Variants in CES3 observed in about 807,000 individuals in gnomAD.
The protein encoded by CES3 is carboxylesterase 3 (brain).
Under a neutral mutation model 57.6 loss-of-function variants are expected in CES3, and 49 were observed. The ratio of observed to expected loss-of-function variants is 0.85; its 90% CI spans 0.68 to 1.08. CES3 has a LOEUF of 1.08. Among genes scored for constraint, CES3 ranks in the 50% least tolerant of loss-of-function variants. CES3 has a pLI of 0.00. For synonymous variants in CES3, 266 were observed against 281.6 expected (o/e 0.94, Z 0.55); for missense variants, 645 against 742.0 (o/e 0.87, Z 1.52).
chr16:66,964,799 C>T (rs972397429), intron 6 of CES3, 72 bp downstream of exon 6: 1 of 1,295,308 alleles, frequency 7.7e-7, no homozygotes. Flanking sequence ...CCTGGGGTCT[C>T]AGAGTAGCGG....
At chr16:66,965,818 T>C (rs1963721714) in intron 6 of CES3, among the ~76,000 whole-genome samples, 8 of 152,140 alleles carry the variant, frequency 5.3e-5, no homozygotes, top group Admixed American at 5.2e-4. Flanking sequence ...CAGGTGCCTG[T>C]AGTCCCAGCT....
rs1435964152 is a variant in CES3, at chr16:66,971,191, T to C, written c.1163T>C (p.Met388Thr). ...CCCCAGGATGTGCCCCCTGAGATGA[T>C]GCCCACCGTCATAGATGAATACCTA... is the stretch of plus-strand genomic sequence containing the variant. The part of the protein sequence containing the change: ...LTSLDVPPEM[M>T]PTVIDEYLGS... The change falls in exon 10 of 13, where the codon ATG becomes ACG. Residue 388 changes from methionine (M) to threonine (T), a missense_variant. By Grantham distance (81) the Met-to-Thr change is moderately conservative (BLOSUM62 -1). Coordinates refer to ENST00000303334, the MANE Select transcript of CES3 (RefSeq NM_024922.6). The C allele has an allele frequency of 5.6e-6, 9 of 1,613,832 alleles. No homozygotes were observed. The Admixed American group carries it at 1.5e-4, about 27-fold the overall frequency.
chr16:66,967,836 T>C, intron 8 of CES3: 1 of 867,226 alleles, frequency 1.2e-6, no homozygotes, highest in Non-Finnish European at 1.4e-6. Context: ...ATCATGACTC[T>C]CTACTGCCTC....
At position 66,966,219 on chromosome 16, in the gene CES3, G is replaced by C. The variant is rs769002369; in HGVS notation, c.820-25G>C. ...GTGGGGCTGAGTGGCTGAGAGGGAG[G>C]CATGACTCTTTCATTTGTCCCCAGA... On this transcript the variant is annotated intron_variant, in intron 6 of 12. Coordinates refer to ENST00000303334, the MANE Select transcript of CES3 (RefSeq NM_024922.6). 21 of 1,606,088 alleles carry C rather than the reference G, an allele frequency of 1.3e-5. No homozygotes were observed. The Admixed American group carries it at 3.5e-4, about 27-fold the overall frequency.
chr16:66,964,531 A>G, intron 5 of CES3, 21 bp downstream of exon 5: 1 of 1,613,260 alleles, frequency 6.2e-7, no homozygotes, highest in Non-Finnish European at 8.5e-7. Context: ...ATAGGGGGCT[A>G]GTGATGGTGG....
Position 66,963,539 on chromosome 16 carries a change from C to T in CES3, c.336C>T (p.Asn112=), listed in dbSNP as rs71647890. The T allele has an allele frequency of 2.2e-3, 3,503 of 1,614,182 alleles. 12 individuals carry two copies. The highest frequency in any genetic ancestry group is 5.2e-3 in the South Asian group (477 of 91,090). The change falls in exon 3 of 13, where the codon AAC becomes AAT. Residue 112 remains asparagine (N), a synonymous_variant. Transcript: ENST00000303334. The surrounding 1 kb of genome is among the most constrained non-coding windows in gnomAD (Gnocchi z 4.9). The part of the protein sequence containing the change: ...ESMNSSRFVL[N]GKQQIFSVSE... ...TGAACAGCAGCAGATTTGTCCTCAA[C>T]GGAAAACAGCAGATCTTCTCCGTTT...
Position 66,966,262 on chromosome 16 carries a change from G to A in CES3, c.838G>A (p.Ala280Thr). ...TCCCCAGAAAATCGCAAACACCTTGGCCTGCAGCTCCAGCTCCCCGGCTGA... is the reference window on the plus strand; with the variant it reads ...TCCCCAGAAAATCGCAAACACCTTGACCTGCAGCTCCAGCTCCCCGGCTGA... ...PLAQKIANTL[A>T]CSSSSPAEMV... The change falls in exon 7 of 13, where the codon GCC becomes ACC. Residue 280 changes from alanine (A) to threonine (T), a missense_variant. Physicochemically the swap from Ala to Thr is moderately conservative, Grantham distance 58. Transcript: ENST00000303334. 1.2e-6 allele frequency: 2 copies of A among 1,613,494 alleles called. No individual in the cohort carries two copies. The highest frequency in any genetic ancestry group is 1.7e-6 in the Non-Finnish European group (2 of 1,179,992).
rs766347029 is a variant in CES3 at position 66,963,693 on chromosome 16, C to T, written c.426+64C>T. 32 of 1,612,898 alleles carry T rather than the reference C, an allele frequency of 2.0e-5. No homozygotes were observed. Among genetic ancestry groups the T allele is most frequent in the African/African-American group, 5.3e-5 (4 of 74,916 alleles). On this transcript the variant is annotated intron_variant, in intron 3 of 12. Transcript: ENST00000303334. The surrounding 1 kb of genome is among the most constrained non-coding windows in gnomAD (Gnocchi z 4.9). ...CCACTATGCCTACCTGTCCCCTCCC[C>T]GTCCCTGTTTCCAAAGCACCCTAGC...
Position 66,964,428 on chromosome 16 carries a change from A to G in CES3, c.632A>G (p.Glu211Gly), listed in dbSNP as rs1298166939. 6.2e-7 allele frequency: 1 copy of G among 1,614,012 alleles called. No individual in the cohort carries two copies. Among genetic ancestry groups the G allele is most frequent in the African/African-American group, 1.3e-5 (1 of 74,920 alleles). The change falls in exon 5 of 13, where the codon GAA (glutamate) becomes GGA (glycine). Residue 211 changes from glutamate (E) to glycine (G), a missense_variant. Transcript: ENST00000303334. Reference protein sequence around the residue: ...DVVAALRWVQENIAPFGGDLN... With the variant: ...DVVAALRWVQGNIAPFGGDLN... ...GTAGCTGCTTTGCGCTGGGTGCAAGAAAACATCGCCCCCTTCGGGGGTGAC... is the reference window on the plus strand; with the variant it reads ...GTAGCTGCTTTGCGCTGGGTGCAAGGAAACATCGCCCCCTTCGGGGGTGAC...
At position 66,964,000 on chromosome 16, in the gene CES3, TG is replaced by T. The variant is rs1160592924; in HGVS notation, c.560+69del. The T allele has an allele frequency of 2.5e-6, 4 of 1,586,256 alleles. No individual in the cohort carries two copies. The highest frequency in any genetic ancestry group is 3.4e-6 in the Non-Finnish European group (4 of 1,159,608). On this transcript the variant is annotated intron_variant, in intron 4 of 12. Transcript: ENST00000303334. The surrounding 1 kb of genome is among the most constrained non-coding windows in gnomAD (Gnocchi z 4.9). Reference sequence around the variant, plus strand: ...GGAGAGGCCAGCTCACCAGAGCAACTGGGGATCTAGGTTGGGGTCCGGAACC... The same window carrying T: ...GGAGAGGCCAGCTCACCAGAGCAACTGGGATCTAGGTTGGGGTCCGGAACC...
chr16:66,963,960 C>T lies in CES3; in HGVS notation c.560+25C>T. 1.2e-6 allele frequency: 2 copies of T among 1,601,716 alleles called. No individual in the cohort carries two copies. The highest frequency in any genetic ancestry group is 1.7e-6 in the Non-Finnish European group (2 of 1,170,246). On this transcript the variant is annotated intron_variant, in intron 4 of 12. Coordinates refer to ENST00000303334, the MANE Select transcript of CES3 (RefSeq NM_024922.6). The surrounding 1 kb of genome is among the most constrained non-coding windows in gnomAD (Gnocchi z 4.9). ...GGTGAGACGACAGGCATGGCCAGAG[C>T]ACTGCCTGCACCGGGGAGAGGCCAG...
rs1963902269 is a variant in CES3 at position 66,974,456 on chromosome 16, C to G, written c.*1407C>G. ...TCGATTTCTCGCTGGGCCTTAGCTG[C>G]CTCCCCGCGGGGCAGGGCTCGGGAC... is the stretch of plus-strand genomic sequence containing the variant. On this transcript the variant is annotated 3_prime_UTR_variant, in exon 13 of 13. Coordinates refer to ENST00000303334, the MANE Select transcript of CES3 (RefSeq NM_024922.6). 1 of 152,664 alleles carries G rather than the reference C, an allele frequency of 6.6e-6. No homozygotes were observed. The highest frequency in any genetic ancestry group is 6.5e-5 in the Admixed American group (1 of 15,288). 9.5% of individuals were successfully genotyped at this position (152,664 alleles called of 1,614,324 possible).
intron 9 of CES3, 49 bp from the exon 10 acceptor site, chr16:66,971,123 G>C: frequency 6.4e-7 from 1 of 1,564,096 alleles, no homozygotes; most frequent in Non-Finnish European, 8.7e-7. Flanking sequence ...GGGATGGTCT[G>C]CCACATCTGT....
At position 66,964,614 on chromosome 16, in the gene CES3, T is replaced by G; in HGVS notation, c.715-9T>G. Reference sequence around the variant, plus strand: ...TCTGACAGCCACCTCCTCTCTCCAATGCACCCAGGTCCTGTCCCCAGTGGC... The same window carrying G: ...TCTGACAGCCACCTCCTCTCTCCAAGGCACCCAGGTCCTGTCCCCAGTGGC... On this transcript the variant is annotated splice_polypyrimidine_tract_variant and intron_variant, in intron 5 of 12. Transcript: ENST00000303334. 1 of 1,613,664 alleles carries G rather than the reference T, an allele frequency of 6.2e-7. No individual in the cohort carries two copies. Among genetic ancestry groups the G allele is most frequent in the Non-Finnish European group, 8.5e-7 (1 of 1,179,762 alleles).
intron 1 of CES3, 80 bp downstream of exon 1, chr16:66,961,469 C>T (rs1160691865): frequency 3.4e-6 from 4 of 1,159,582 alleles, no homozygotes; most frequent in African/African-American, 3.0e-5. Flanking sequence ...AGCAGTGGGC[C>T]GACCGCTCAG....
At chr16:66,967,763 G>T in intron 8 of CES3, 1 of 982,734 alleles carries the variant, frequency 1.0e-6, no homozygotes, top group Non-Finnish European at 1.2e-6. Flanking sequence ...TGTTGTTTGT[G>T]TGTTTGTTTG....
In CES3 at chr16:66,964,454, C is replaced by G; in HGVS notation, c.658C>G (p.Leu220Val). The stretch of plus-strand genomic sequence containing the variant: ...AAACATCGCCCCCTTCGGGGGTGAC[C>G]TCAACTGTGTCACTGTCTTTGGTGG... Reference protein sequence around the residue: ...QENIAPFGGDLNCVTVFGGSA... With the variant: ...QENIAPFGGDVNCVTVFGGSA... Residue 220 changes from leucine to valine, a missense_variant, in exon 5 of 13, where the codon CTC becomes GTC. Coordinates refer to ENST00000303334, the MANE Select transcript of CES3 (RefSeq NM_024922.6). 6.2e-7 allele frequency: 1 copy of G among 1,614,150 alleles called. No homozygotes were observed. Among genetic ancestry groups the G allele is most frequent in the African/African-American group, 1.3e-5 (1 of 75,044 alleles).
rs780130175 is a variant in CES3, at chr16:66,964,350, C to A, written c.561-7C>A. Reference sequence around the variant, plus strand: ...TGAACTAACCGTTGCCCCAACACTGCCCCCAGCACTGGAGATGAGCATGCA... The same window carrying A: ...TGAACTAACCGTTGCCCCAACACTGACCCCAGCACTGGAGATGAGCATGCA... On this transcript the variant is annotated splice_polypyrimidine_tract_variant and splice_region_variant and intron_variant, in intron 4 of 12. Coordinates refer to ENST00000303334, the MANE Select transcript of CES3 (RefSeq NM_024922.6). 7.4e-6 allele frequency: 12 copies of A among 1,612,714 alleles called. No homozygotes were observed. The highest frequency in any genetic ancestry group is 1.0e-5 in the Non-Finnish European group (12 of 1,179,632).
chr16:66,964,162 T>C (rs1423733370), intron 4 of CES3, among the ~76,000 whole-genome samples, 195 bp from the exon 5 acceptor site: 2 of 152,238 alleles, frequency 1.3e-5, no homozygotes, highest in Non-Finnish European at 2.9e-5. Flanking sequence ...CATTGATTCC[T>C]GGGCTGAAGC....
Sources: allele counts gnomAD v4.1 joint callset (sites outside exome capture counted in the v4.1 genomes callset), GRCh38; gene constraint gnomAD v4.1.1; non-coding constraint Gnocchi (gnomAD v3.1); transcripts MANE v1.5; gene names NCBI Gene and HGNC (gene_info 2026-07-23, HGNC 2026-07-21).